MOB4: variants seen among roughly 807,000 people sequenced by gnomAD.
The protein encoded by MOB4 is MOB family member 4, phocein.
In MOB4, 4 loss-of-function variants were observed where a neutral mutation model predicts 32.2. The observed-to-expected ratio is 0.12, with a 90% CI of 0.06 to 0.28. The LOEUF (loss-of-function observed/expected upper bound fraction) is 0.28, where lower values mean the gene tolerates loss of function less well. Ranked by LOEUF, MOB4 falls within the 10% of genes least tolerant of loss-of-function variation. The pLI, the probability that MOB4 is intolerant of heterozygous loss-of-function variation, is 1.00. For synonymous variants in MOB4, 88 were observed against 88.1 expected (o/e 1.00, Z 0.01); for missense variants, 158 against 271.2 (o/e 0.58, Z 2.93).
rs1010080180 is a variant in MOB4 at position 197,516,388 on chromosome 2, G to T, written c.60+242G>T. On this transcript the variant is annotated intron_variant, in intron 1 of 7. Transcript: ENST00000323303. The stretch of plus-strand genomic sequence containing the variant: ...TGAGGGGCGGGTGGGGTCTGCTGGT[G>T]GTACCTGCCTGCCGAAGCCCTGGGC... 5.0e-6 allele frequency: 7 copies of T among 1,409,836 alleles called. No homozygotes were observed. In the Admixed American group the frequency reaches 2.1e-4, roughly 42 times the overall value. 87.3% of individuals were successfully genotyped at this position (1,409,836 alleles called of 1,614,324 possible).
At chr2:197,545,709 G>A (rs2086982043) in intron 5 of MOB4, among the ~76,000 whole-genome samples, 1 of 152,164 alleles carries the variant, frequency 6.6e-6, no homozygotes, top group Non-Finnish European at 1.5e-5. Flanking sequence ...TCATTTTAAT[G>A]AAATATCCAG....
chr2:197,516,818 G>A (rs2086423567), intron 1 of MOB4: 1 of 448,866 alleles, frequency 2.2e-6, no homozygotes, highest in Admixed American at 2.4e-5. Context: ...AATTTTGTCA[G>A]CTTTTTTGTA....
chr2:197,519,863 AT>A (rs1401377186), intron 1 of MOB4, among the ~76,000 whole-genome samples: 1 of 152,200 alleles, frequency 6.6e-6, no homozygotes. Context: ...TATAGGAAAA[AT>A]TTTAGAATTG....
At chr2:197,548,200 A>G in intron 5 of MOB4, 136 bp from the exon 6 acceptor site, 1 of 509,332 alleles carries the variant, frequency 2.0e-6, no homozygotes, top group Non-Finnish European at 3.2e-6. Flanking sequence ...ATATTTTACA[A>G]GCATTCGGAA....
At chr2:197,535,899 CTTTT>C (rs1319135434) in intron 3 of MOB4, among the ~76,000 whole-genome samples, 2 of 129,290 alleles carry the variant, frequency 1.5e-5, no homozygotes. Flanking sequence ...CTTTTCTTTT[CTTTT>C]TTTTTTTTTT....
At position 197,551,705 on chromosome 2, in the gene MOB4, A is replaced by G. The variant is rs2087101029; in HGVS notation, c.*1059A>G. On this transcript the variant is annotated 3_prime_UTR_variant, in exon 8 of 8. Transcript: ENST00000323303. ...CCCACGAAGTTTATGTTTGGATTACATGCACGTGTGAGATTATTTGCAATA... is the reference window on the plus strand; with the variant it reads ...CCCACGAAGTTTATGTTTGGATTACGTGCACGTGTGAGATTATTTGCAATA... The G allele has an allele frequency of 6.6e-6, 1 of 152,658 alleles. No homozygotes were observed. Among genetic ancestry groups the G allele is most frequent in the Admixed American group, 6.5e-5 (1 of 15,282 alleles). 9.5% of individuals were successfully genotyped at this position (152,658 alleles called of 1,614,324 possible).
At chr2:197,533,999 A>G in intron 2 of MOB4, 1 of 503,228 alleles carries the variant, frequency 2.0e-6, no homozygotes, top group Middle Eastern at 6.8e-4. Flanking sequence ...CACATACTTA[A>G]TATTGCATCA....
intron 5 of MOB4, among the ~76,000 whole-genome samples, chr2:197,546,607 C>G (rs1265958167): frequency 6.6e-6 from 1 of 151,868 alleles, no homozygotes; most frequent in South Asian, 2.1e-4. Flanking sequence ...CCTGTGTTGC[C>G]TAGGCTGGTC....
At chr2:197,536,673 C>T (rs2086805550) in intron 3 of MOB4, among the ~76,000 whole-genome samples, 1 of 142,784 alleles carries the variant, frequency 7.0e-6, no homozygotes, top group South Asian at 2.2e-4. Flanking sequence ...GTGATCCCGG[C>T]TCACCACAAC....
intron 5 of MOB4, 59 bp downstream of exon 5, chr2:197,540,496 G>T: frequency 7.1e-7 from 1 of 1,414,526 alleles, no homozygotes; most frequent in South Asian, 1.6e-5. Flanking sequence ...TCTCTCTCAA[G>T]ACAATGTTAG....
Position 197,550,388 on chromosome 2 carries a change from T to C in MOB4, c.546+2T>C. On this transcript the variant is annotated splice_donor_variant, in intron 7 of 7. Transcript: ENST00000323303. LOFTEE classifies it high-confidence loss of function. ...CGGCAGATATTTGATGAATATGAAGTAAGTATATTTCACTGATTATCTTGA... is the reference window on the plus strand; with the variant it reads ...CGGCAGATATTTGATGAATATGAAGCAAGTATATTTCACTGATTATCTTGA... The C allele has an allele frequency of 3.7e-6, 6 of 1,612,814 alleles. No homozygotes were observed. Among genetic ancestry groups the C allele is most frequent in the Non-Finnish European group, 5.1e-6 (6 of 1,179,280 alleles).
chr2:197,552,193 A>G lies in MOB4; in HGVS notation c.*1547A>G, dbSNP rs2087110483. 1 of 152,310 alleles carries G rather than the reference A, an allele frequency of 6.6e-6. No homozygotes were observed. The highest frequency in any genetic ancestry group is 2.4e-5 in the African/African-American group (1 of 41,454). 9.4% of individuals were successfully genotyped at this position (152,310 alleles called of 1,614,324 possible). ...GCTTTGAACACTGCCCATCAGCTAC[A>G]GTCATTACTGTTCCCCAACCCACAA... On this transcript the variant is annotated 3_prime_UTR_variant, in exon 8 of 8. Transcript: ENST00000323303.
intron 1 of MOB4, among the ~76,000 whole-genome samples, chr2:197,522,304 T>G (rs2086534260): frequency 6.6e-6 from 1 of 151,662 alleles, no homozygotes; most frequent in Admixed American, 6.6e-5. Flanking sequence ...CTATTTTTTT[T>G]GTACCCATGG....
rs202126532 is a variant in MOB4, at chr2:197,548,238, T to C, written c.355-98T>C. The C allele has an allele frequency of 2.6e-5, 25 of 975,256 alleles. No homozygotes were observed. In the East Asian group the frequency reaches 5.0e-4, roughly 19 times the overall value. 60.4% of individuals were successfully genotyped at this position (975,256 alleles called of 1,614,324 possible). A position where few individuals can be genotyped will look rare whatever the true frequency, so the allele number is the denominator to read the frequency against. On this transcript the variant is annotated intron_variant, in intron 5 of 7. Transcript: ENST00000323303. ...TGTAAGGAACTTTTTTCTTAGAACATGCTCATGTCTTTGGAATAAGGTATA... is the reference window on the plus strand; with the variant it reads ...TGTAAGGAACTTTTTTCTTAGAACACGCTCATGTCTTTGGAATAAGGTATA...
intron 4 of MOB4, 67 bp downstream of exon 4, chr2:197,540,220 T>C: frequency 6.4e-7 from 1 of 1,556,592 alleles, no homozygotes; most frequent in Non-Finnish European, 8.7e-7. Flanking sequence ...TTTTTATAAC[T>C]TAATGTGCTT....
At chr2:197,530,094 C>G (rs1171146112) in intron 2 of MOB4, among the ~76,000 whole-genome samples, 1 of 151,640 alleles carries the variant, frequency 6.6e-6, no homozygotes, top group Non-Finnish European at 1.5e-5. Flanking sequence ...GTCAGCCTCC[C>G]TAGTAGCTGG....
chr2:197,548,690 AT>A (rs879331078), intron 6 of MOB4, among the ~76,000 whole-genome samples: 62 of 145,910 alleles, frequency 4.2e-4, no homozygotes, highest in Admixed American at 4.1e-4. Flanking sequence ...GCATTTTTGT[AT>A]TTTTTTTTTT....
chr2:197,537,556 A>T (rs1277983839), intron 3 of MOB4, among the ~76,000 whole-genome samples: 1 of 152,214 alleles, frequency 6.6e-6, no homozygotes, highest in Non-Finnish European at 1.5e-5. Context: ...GTGTCATAAC[A>T]GTTCAGCAAT....
intron 3 of MOB4, among the ~76,000 whole-genome samples, chr2:197,537,688 T>C (rs2086825707): frequency 6.6e-6 from 1 of 152,212 alleles, no homozygotes; most frequent in Admixed American, 6.5e-5. Context: ...GTAGATATTT[T>C]CCCATTTTTA....
Sources: gnomAD v4.1 joint callset for allele counts (sites outside exome capture counted in the v4.1 genomes callset) on GRCh38, gnomAD v4.1.1 for gene constraint, MANE v1.5 for transcripts, NCBI Gene and HGNC (gene_info 2026-07-23, HGNC 2026-07-21) for gene names.